KDM2A: variants seen among roughly 807,000 people sequenced by gnomAD.
KDM2A encodes the protein lysine demethylase 2A.
KDM2A carries 3 observed loss-of-function variants against 137.3 expected under a neutral mutation model. That is an observed-to-expected ratio of 0.02 (90% CI 0.01 to 0.06). The LOEUF (loss-of-function observed/expected upper bound fraction) is 0.06, where lower values mean the gene tolerates loss of function less well. Ranked by LOEUF, KDM2A falls within the 10% of genes least tolerant of loss-of-function variation. The pLI, the probability that KDM2A is intolerant of heterozygous loss-of-function variation, is 1.00. For missense variants in KDM2A, 738 were observed against 1,510.6 expected (o/e 0.49, Z 8.48); for synonymous variants, 512 against 541.5 (o/e 0.95, Z 0.76).
chr11:67,182,367 C>G (rs1258228171), intron 5 of KDM2A, among the ~76,000 whole-genome samples: 1 of 151,888 alleles, frequency 6.6e-6, no homozygotes, highest in African/African-American at 2.4e-5. Flanking sequence ...TTATTATATT[C>G]AAAATTTGGG....
chr11:67,197,620 G>C (rs765328592), intron 5 of KDM2A, among the ~76,000 whole-genome samples: 22 of 152,204 alleles, frequency 1.4e-4, no homozygotes, highest in Admixed American at 1.0e-3. Context: ...TTCAGTGTCA[G>C]TTTATGTCTC....
chr11:67,185,763 A>G (rs1857188031), intron 5 of KDM2A, among the ~76,000 whole-genome samples: 1 of 151,976 alleles, frequency 6.6e-6, no homozygotes, highest in Non-Finnish European at 1.5e-5. Context: ...CATGGGTGGG[A>G]TTGGTGCTGT....
intron 2 of KDM2A, among the ~76,000 whole-genome samples, chr11:67,162,990 T>C (rs1273735974): frequency 6.6e-6 from 1 of 152,188 alleles, no homozygotes; most frequent in Non-Finnish European, 1.5e-5. Context: ...GATTATAGGC[T>C]TGAGCCACCA....
At chr11:67,188,248 C>G (rs948345239) in intron 5 of KDM2A, among the ~76,000 whole-genome samples, 1 of 151,624 alleles carries the variant, frequency 6.6e-6, no homozygotes, top group Non-Finnish European at 1.5e-5. Context: ...CTTGGGAGGC[C>G]GAGGCAGGCA....
At position 67,245,485 on chromosome 11, in the gene KDM2A, T is replaced by C. The variant is rs768945160; in HGVS notation, c.1833+27T>C. 1 of 1,609,266 alleles carries C rather than the reference T, an allele frequency of 6.2e-7. No individual in the cohort carries two copies. Among genetic ancestry groups the C allele is most frequent in the East Asian group, 2.2e-5 (1 of 44,786 alleles). Reference sequence around the variant, plus strand: ...TGAGTGATCTGCTGGGTAAAGAATTTTGGGGAGGGGTGGCAGTGCCAAAGG... The same window carrying C: ...TGAGTGATCTGCTGGGTAAAGAATTCTGGGGAGGGGTGGCAGTGCCAAAGG... On this transcript the variant is annotated intron_variant, in intron 14 of 20. Coordinates refer to ENST00000529006, the MANE Select transcript of KDM2A (RefSeq NM_012308.3). This position sits in a 1 kb window ranked among gnomAD's most constrained non-coding sequence, Gnocchi z 4.1.
chr11:67,252,267 A>G (rs1859451850), intron 17 of KDM2A: 1 of 193,050 alleles, frequency 5.2e-6, no homozygotes, highest in Non-Finnish European at 1.1e-5. Context: ...AGTGATTGAC[A>G]AGGGAGGGAA....
At chr11:67,128,358 GATAAA>G (rs1210306032) in intron 2 of KDM2A, among the ~76,000 whole-genome samples, 1 of 151,658 alleles carries the variant, frequency 6.6e-6, no homozygotes, top group African/African-American at 2.4e-5. Context: ...GAATGGACTA[GATAAA>G]ATAGAATATT....
intron 5 of KDM2A, chr11:67,196,084 A>G (rs917093545): frequency 1.5e-5 from 6 of 395,370 alleles, no homozygotes; most frequent in African/African-American, 8.3e-5. Flanking sequence ...AAGCTGAGTC[A>G]CACGAACATA....
chr11:67,152,939 TG>T (rs1183483708), intron 2 of KDM2A, among the ~76,000 whole-genome samples: 15 of 149,390 alleles, frequency 1.0e-4, no homozygotes, highest in Non-Finnish European at 2.1e-4. Flanking sequence ...TGTGTGTGTG[TG>T]TGTGTGTGTG....
chr11:67,250,148 G>C lies in KDM2A; in HGVS notation c.2118G>C (p.Arg706=), dbSNP rs765796054. The change falls in exon 17 of 21, where the codon CGG becomes CGC. Residue 706 remains arginine, a synonymous_variant. Transcript: ENST00000529006. The surrounding 1 kb of genome is among the most constrained non-coding windows in gnomAD (Gnocchi z 7.1). Reference sequence around the variant, plus strand: ...AAGCCAAAGTCCTGCGGCCCCTGCGGAGCTGCGATGAGCCTCTCACGCCCC... The same window carrying C: ...AAGCCAAAGTCCTGCGGCCCCTGCGCAGCTGCGATGAGCCTCTCACGCCCC... ...AVQAKVLRPL[R]SCDEPLTPPP... The C allele has an allele frequency of 5.0e-6, 8 of 1,613,346 alleles. No individual in the cohort carries two copies. In the Admixed American group the frequency reaches 5.0e-5, roughly 10 times the overall value.
chr11:67,127,621 G>T (rs1855759812), intron 2 of KDM2A, among the ~76,000 whole-genome samples: 1 of 152,144 alleles, frequency 6.6e-6, no homozygotes, highest in South Asian at 2.1e-4. Context: ...TCTGGCAATA[G>T]TCCCACCTTT....
At chr11:67,155,605 GTTTTTA>G (rs1275757702) in intron 2 of KDM2A, among the ~76,000 whole-genome samples, 1 of 150,334 alleles carries the variant, frequency 6.7e-6, no homozygotes, top group Admixed American at 6.6e-5. Context: ...CACTGGCTTG[GTTTTTA>G]TTTTTATTTT....
intron 12 of KDM2A, among the ~76,000 whole-genome samples, chr11:67,239,794 C>T (rs1011207978): frequency 3.3e-5 from 5 of 152,264 alleles, no homozygotes; most frequent in Non-Finnish European, 7.3e-5. Flanking sequence ...AAAGCCTTCC[C>T]TTTGGCTGGC....
chr11:67,257,233 T>G lies in KDM2A; in HGVS notation c.*2178T>G, dbSNP rs1258195924. The G allele has an allele frequency of 1.3e-5, 2 of 152,422 alleles. No homozygotes were observed. The allele number at this position is 152,422 out of a possible 1,614,324, so 9.4% of individuals were successfully genotyped here. A position where few individuals can be genotyped will look rare whatever the true frequency, so the allele number is the denominator to read the frequency against. Reference sequence around the variant, plus strand: ...GCCAATGGTTTCTTTTGGGTTTTGGTTTTTATGTTTGTTTTTTGGGGTTTG... The same window carrying G: ...GCCAATGGTTTCTTTTGGGTTTTGGGTTTTATGTTTGTTTTTTGGGGTTTG... On this transcript the variant is annotated 3_prime_UTR_variant, in exon 21 of 21. Coordinates refer to ENST00000529006, the MANE Select transcript of KDM2A (RefSeq NM_012308.3).
intron 5 of KDM2A, 64 bp from the exon 6 acceptor site, chr11:67,207,446 A>G: frequency 8.0e-7 from 1 of 1,254,074 alleles, no homozygotes; most frequent in South Asian, 2.3e-5. Flanking sequence ...TTTAAAAAAT[A>G]TTCTTACTAT....
chr11:67,257,225 G>A lies in KDM2A; in HGVS notation c.*2170G>A, dbSNP rs543929919. 6.6e-6 allele frequency: 1 copy of A among 152,490 alleles called. No individual in the cohort carries two copies. The highest frequency in any genetic ancestry group is 6.5e-5 in the Admixed American group (1 of 15,290). 9.4% of individuals were successfully genotyped at this position (152,490 alleles called of 1,614,324 possible). ...ATTTCCAAGCCAATGGTTTCTTTTG[G>A]GTTTTGGTTTTTATGTTTGTTTTTT... On this transcript the variant is annotated 3_prime_UTR_variant, in exon 21 of 21. Transcript: ENST00000529006.
At chr11:67,236,476 T>C (rs1266300127) in intron 12 of KDM2A, among the ~76,000 whole-genome samples, 1 of 152,202 alleles carries the variant, frequency 6.6e-6, no homozygotes, top group Admixed American at 6.5e-5. Context: ...GGTATTTATT[T>C]TGGTGATAAA....
Position 67,245,806 on chromosome 11 carries a change from C to G in KDM2A, c.1834-179C>G, listed in dbSNP as rs1859187308. On this transcript the variant is annotated intron_variant, in intron 14 of 20. Transcript: ENST00000529006. The surrounding 1 kb of genome is among the most constrained non-coding windows in gnomAD (Gnocchi z 4.1). ...TCTCTGGTGCCCAGGTGGTTGAGTCCTCCTCTTCCCCAGTCATTTTTCCTA... is the reference window on the plus strand; with the variant it reads ...TCTCTGGTGCCCAGGTGGTTGAGTCGTCCTCTTCCCCAGTCATTTTTCCTA... 5.6e-6 allele frequency: 4 copies of G among 710,042 alleles called. No individual in the cohort carries two copies. In the Admixed American group the frequency reaches 8.9e-5, roughly 16 times the overall value. The allele number at this position is 710,042 out of a possible 1,614,324, so 44.0% of individuals were successfully genotyped here.
chr11:67,190,466 A>T (rs1461118548), intron 5 of KDM2A, among the ~76,000 whole-genome samples: 2 of 152,186 alleles, frequency 1.3e-5, no homozygotes, highest in East Asian at 1.9e-4. Context: ...AATAAAAAGG[A>T]TTGTAAGAGA....
Sources: gnomAD v4.1 joint callset for allele counts (sites outside exome capture counted in the v4.1 genomes callset) on GRCh38, gnomAD v4.1.1 for gene constraint, Gnocchi (gnomAD v3.1) non-coding constraint, MANE v1.5 for transcripts, NCBI Gene and HGNC (gene_info 2026-07-23, HGNC 2026-07-21) for gene names.